The following UNC13C variants were observed in gnomAD, a reference collection of about 807,000 sequenced individuals.
The protein encoded by UNC13C is protein unc-13 homolog C.
A neutral mutation model predicts 245.4 loss-of-function variants in UNC13C; 174 were observed. The ratio of observed to expected loss-of-function variants is 0.71; its 90% CI spans 0.63 to 0.80. The LOEUF (loss-of-function observed/expected upper bound fraction) is 0.80, where lower values mean the gene tolerates loss of function less well. Among genes scored for constraint, UNC13C ranks in the 30% least tolerant of loss-of-function variants. The pLI, the probability that UNC13C is intolerant of heterozygous loss-of-function variation, is 0.00. For synonymous variants in UNC13C, 992 were observed against 895.1 expected (o/e 1.11, Z -1.93); for missense variants, 2,829 against 2,602.9 (o/e 1.09, Z -1.89).
chr15:53,917,216 A>G, the UNC13C span, among the ~76,000 whole-genome samples: 1 of 152,216 alleles, frequency 6.6e-6, no homozygotes, highest in South Asian at 2.1e-4. Context: ...GCTCACTTCC[A>G]GAATGGAAGA....
At chr15:54,543,032 CCT>C (rs1228096984) in intron 26 of UNC13C, among the ~76,000 whole-genome samples, 7 of 152,040 alleles carry the variant, frequency 4.6e-5, no homozygotes, top group Non-Finnish European at 1.0e-4. Flanking sequence ...TGAATTTGGT[CCT>C]GTCGCTATGA....
chr15:54,045,018 G>C (rs538702018), intron 2 of UNC13C, among the ~76,000 whole-genome samples: 3 of 152,110 alleles, frequency 2.0e-5, no homozygotes, highest in South Asian at 4.2e-4. Flanking sequence ...CTCTCAATCT[G>C]TGAGTTGTCT....
intron 19 of UNC13C, among the ~76,000 whole-genome samples, chr15:54,430,326 T>A (rs1034968018): frequency 6.6e-6 from 1 of 151,694 alleles, no homozygotes; most frequent in Non-Finnish European, 1.5e-5. Context: ...GATGACCAAG[T>A]CCAACTGATA....
At chr15:53,837,824 G>A in the UNC13C span, among the ~76,000 whole-genome samples, 1 of 152,004 alleles carries the variant, frequency 6.6e-6, no homozygotes, top group Non-Finnish European at 1.5e-5. Flanking sequence ...TTTCCCTACT[G>A]GTTTGAAATG....
At chr15:53,881,879 C>T in the UNC13C span, among the ~76,000 whole-genome samples, 2 of 152,156 alleles carry the variant, frequency 1.3e-5, no homozygotes, top group African/African-American at 4.8e-5. Context: ...CTATAACCCA[C>T]ATGATTACTT....
intron 17 of UNC13C, among the ~76,000 whole-genome samples, chr15:54,347,910 A>G (rs2095250475): frequency 6.6e-6 from 1 of 152,086 alleles, no homozygotes; most frequent in Non-Finnish European, 1.5e-5. Flanking sequence ...GTGTACATTT[A>G]TTACATATAT....
At chr15:53,849,340 A>G in the UNC13C span, among the ~76,000 whole-genome samples, 1 of 151,920 alleles carries the variant, frequency 6.6e-6, no homozygotes, top group Non-Finnish European at 1.5e-5. Context: ...TTTTATGTCC[A>G]CTATCAATGT....
intron 19 of UNC13C, among the ~76,000 whole-genome samples, chr15:54,477,294 C>T (rs1892804842): frequency 3.0e-5 from 3 of 99,856 alleles, no homozygotes; most frequent in African/African-American, 1.2e-4. Flanking sequence ...ATTGAATACC[C>T]TTTATTTCCT....
intron 28 of UNC13C, among the ~76,000 whole-genome samples, chr15:54,552,003 G>A (rs1425665287): frequency 6.6e-6 from 1 of 151,054 alleles, no homozygotes; most frequent in Non-Finnish European, 1.5e-5. Flanking sequence ...TGCTGAAAAG[G>A]TGCTATTTGA....
chr15:54,450,365 A>G (rs2141006583), intron 19 of UNC13C, among the ~76,000 whole-genome samples: 2 of 152,354 alleles, frequency 1.3e-5, no homozygotes, highest in Admixed American at 6.5e-5. Flanking sequence ...CCCTGCCCCC[A>G]GAGGTGGAGT....
chr15:54,420,782 A>G (rs2040625054), intron 19 of UNC13C, among the ~76,000 whole-genome samples: 1 of 152,042 alleles, frequency 6.6e-6, no homozygotes. Context: ...TTATAAAAAT[A>G]AATTATTGTC....
chr15:53,959,479 A>G, the UNC13C span, among the ~76,000 whole-genome samples: 3 of 152,076 alleles, frequency 2.0e-5, no homozygotes, highest in Admixed American at 1.3e-4. Flanking sequence ...GATAATAGCC[A>G]TTCTAACTAG....
intron 19 of UNC13C, among the ~76,000 whole-genome samples, chr15:54,475,360 G>T (rs1396776413): frequency 6.6e-6 from 1 of 150,872 alleles, no homozygotes; most frequent in African/African-American, 2.4e-5. Flanking sequence ...ACAATGTGCA[G>T]GTTAGTTACA....
In UNC13C at chr15:54,511,755, C is replaced by G. The variant is rs1005630439; in HGVS notation, c.5382C>G (p.Pro1794=). The change falls in exon 24 of 33, where the codon CCC becomes CCG. Residue 1794 remains proline, a splice_region_variant and synonymous_variant. Coordinates refer to ENST00000260323, the MANE Select transcript of UNC13C (RefSeq NM_001080534.3). ...AGTCTTTTTTTCTATATTTAAAGCC[C>G]TGTATCTTGATGAACAATATTCAAC... is the stretch of plus-strand genomic sequence containing the variant. The part of the protein sequence containing the change: ...FSSHCDKENV[P]CILMNNIQQL... The G allele has an allele frequency of 2.7e-5, 43 of 1,602,896 alleles. No individual in the cohort carries two copies. Among genetic ancestry groups the G allele is most frequent in the Non-Finnish European group, 2.9e-5 (34 of 1,174,152 alleles).
At chr15:54,190,417 T>C (rs750241984) in intron 4 of UNC13C, among the ~76,000 whole-genome samples, 1 of 152,134 alleles carries the variant, frequency 6.6e-6, no homozygotes, top group Non-Finnish European at 1.5e-5. Flanking sequence ...GAGAGCTCAC[T>C]TTACCCATTT....
intron 30 of UNC13C, among the ~76,000 whole-genome samples, chr15:54,588,663 G>A (rs4013988): frequency 0.042 from 6,436 of 152,006 alleles, 241 homozygotes; most frequent in Admixed American, 0.12. Flanking sequence ...CCAAGTTCCC[G>A]AAGTCCATTG....
chr15:54,013,221 T>C lies in UNC13C; in HGVS notation c.318T>C (p.Ala106=). The C allele has an allele frequency of 1.2e-6, 2 of 1,613,782 alleles. No homozygotes were observed. The highest frequency in any genetic ancestry group is 1.7e-6 in the Non-Finnish European group (2 of 1,179,832). Residue 106 remains alanine, a synonymous_variant, in exon 2 of 33, where the codon GCT becomes GCC. Coordinates refer to ENST00000260323, the MANE Select transcript of UNC13C (RefSeq NM_001080534.3). ...TTGCCAATGGCCTACAAAAGAATGCTAAAGTAACCAACAGTGATAATGAGG... is the reference window on the plus strand; with the variant it reads ...TTGCCAATGGCCTACAAAAGAATGCCAAAGTAACCAACAGTGATAATGAGG... ...VAIANGLQKN[A]KVTNSDNEDL... is the part of the protein sequence containing the mutation.
intron 2 of UNC13C, among the ~76,000 whole-genome samples, chr15:54,096,903 A>C (rs1595849497): frequency 6.6e-6 from 1 of 152,344 alleles, no homozygotes; most frequent in East Asian, 1.9e-4. Flanking sequence ...AATTATAGCT[A>C]TTTTAGGTGA....
intron 13 of UNC13C, among the ~76,000 whole-genome samples, chr15:54,311,881 A>G (rs1279757590): frequency 6.6e-6 from 1 of 151,860 alleles, no homozygotes; most frequent in Non-Finnish European, 1.5e-5. Flanking sequence ...TTTCTTCAAA[A>G]GGAAAATATG....
Sources: allele counts gnomAD v4.1 joint callset (sites outside exome capture counted in the v4.1 genomes callset), GRCh38; gene constraint gnomAD v4.1.1; transcripts MANE v1.5; gene names NCBI Gene and HGNC (gene_info 2026-07-23, HGNC 2026-07-21).